Variants in UNC13C observed in about 807,000 individuals in gnomAD.
UNC13C encodes protein unc-13 homolog C.
A neutral mutation model predicts 245.4 loss-of-function variants in UNC13C; 174 were observed. The ratio of observed to expected loss-of-function variants is 0.71; its 90% confidence interval spans 0.63 to 0.80. UNC13C has a LOEUF of 0.80. Ranked by LOEUF, UNC13C falls within the 30% of genes least tolerant of loss-of-function variation. The pLI is 0.00. For synonymous variants in UNC13C, 992 were observed against 895.1 expected (o/e 1.11, Z -1.93); for missense variants, 2,829 against 2,602.9 (o/e 1.09, Z -1.89).
intron 2 of UNC13C, among the ~76,000 whole-genome samples, chr15:54,119,864 C>T (rs1446222408): frequency 6.6e-6 from 1 of 152,132 alleles, no homozygotes; most frequent in African/African-American, 2.4e-5. Context: ...CTTCCTTAAG[C>T]CAAAGCCTAA....
chr15:53,881,406 C>T, the UNC13C span, among the ~76,000 whole-genome samples: 1 of 152,202 alleles, frequency 6.6e-6, no homozygotes, highest in Non-Finnish European at 1.5e-5. Flanking sequence ...GGGATCATTA[C>T]TTCTGATTTG....
chr15:54,300,428 G>A, intron 13 of UNC13C, 55 bp downstream of exon 13: 1 of 1,460,770 alleles, frequency 6.8e-7, no homozygotes, highest in Non-Finnish European at 9.2e-7. Context: ...TATAAAGAAA[G>A]AAAGGAGCGT....
intron 30 of UNC13C, among the ~76,000 whole-genome samples, chr15:54,583,476 C>A (rs1898303249): frequency 6.6e-6 from 1 of 152,108 alleles, no homozygotes. Flanking sequence ...TTTCTCATAT[C>A]TTAGCTTTCA....
At chr15:54,123,086 G>A (rs1416903520) in intron 2 of UNC13C, among the ~76,000 whole-genome samples, 1 of 151,872 alleles carries the variant, frequency 6.6e-6, no homozygotes, top group Non-Finnish European at 1.5e-5. Context: ...AGTTTGTGTT[G>A]CTTCACATCT....
chr15:54,556,328 T>G (rs1897087440), intron 29 of UNC13C, among the ~76,000 whole-genome samples: 1 of 152,092 alleles, frequency 6.6e-6, no homozygotes, highest in Non-Finnish European at 1.5e-5. Flanking sequence ...ATAGAACAGT[T>G]CTACTGGATA....
At chr15:54,551,200 A>G (rs1434957848) in intron 28 of UNC13C, among the ~76,000 whole-genome samples, 1 of 152,114 alleles carries the variant, frequency 6.6e-6, no homozygotes, top group African/African-American at 2.4e-5. Flanking sequence ...ATACGTTGCC[A>G]TAACAGACCT....
chr15:54,042,646 G>T (rs112966938), intron 2 of UNC13C, among the ~76,000 whole-genome samples: 1 of 152,240 alleles, frequency 6.6e-6, no homozygotes, highest in Admixed American at 6.5e-5. Context: ...AAGGTCAGGA[G>T]ATCGAGACCA....
In UNC13C at chr15:54,185,644, A is replaced by T. The variant is rs897756331; in HGVS notation, c.3071+41960A>T. On this transcript the variant is annotated intron_variant, in intron 4 of 32. Transcript: ENST00000260323. ...CATTGATCTATATCTCTGTTTTTGT[A>T]CCAGTACCATGCTGTTTTGGTTACT... Among the ~76,000 whole-genome samples the T allele has an allele frequency of 2.0e-4, 30 of 146,690 alleles. 2 individuals are homozygous for T. The highest frequency in any genetic ancestry group is 6.8e-3 in the Middle Eastern group (2 of 294).
Position 53,996,350 on chromosome 15 carries a change from C to T in UNC13C, c.-256-16298C>T, listed in dbSNP as rs190457497. ...TTCCAAGCAGGTTTAAGAGGTGAGG[C>T]CTGGTCTTTGCGGTAAAGATTAATG... On this transcript the variant is annotated intron_variant, in intron 1 of 32. Coordinates refer to ENST00000260323, the MANE Select transcript of UNC13C (RefSeq NM_001080534.3). Among the ~76,000 whole-genome samples the T allele has an allele frequency of 5.5e-3, 839 of 152,216 alleles. 4 individuals carry two copies. Among genetic ancestry groups the T allele is most frequent in the Non-Finnish European group, 7.9e-3 (536 of 68,018 alleles).
intron 17 of UNC13C, among the ~76,000 whole-genome samples, chr15:54,358,979 G>A (rs1343516107): frequency 6.6e-6 from 1 of 151,782 alleles, no homozygotes; most frequent in East Asian, 1.9e-4. Context: ...TTGTGTTGAA[G>A]TATATTACTT....
chr15:53,909,612 G>A, the UNC13C span, among the ~76,000 whole-genome samples: 1 of 146,568 alleles, frequency 6.8e-6, no homozygotes, highest in Non-Finnish European at 1.5e-5. Flanking sequence ...TGGGTGTGGT[G>A]GTGCATGCCT....
intron 2 of UNC13C, among the ~76,000 whole-genome samples, chr15:54,116,178 A>T (rs1332877626): frequency 1.3e-5 from 2 of 152,260 alleles, no homozygotes; most frequent in African/African-American, 4.8e-5. Context: ...TTCAAGGTAC[A>T]TGTGATAATC....
At chr15:54,573,256 C>G (rs1897833169) in intron 30 of UNC13C, among the ~76,000 whole-genome samples, 1 of 151,920 alleles carries the variant, frequency 6.6e-6, no homozygotes, top group East Asian at 1.9e-4. Flanking sequence ...CTTCATTATT[C>G]TCTTTTGGAA....
At chr15:54,561,378 T>G (rs1897293006) in intron 29 of UNC13C, among the ~76,000 whole-genome samples, 2 of 152,076 alleles carry the variant, frequency 1.3e-5, no homozygotes, top group Non-Finnish European at 2.9e-5. Context: ...TCATAAAGTT[T>G]TAGAGGATGT....
chr15:54,012,129 C>A (rs1159757616), intron 1 of UNC13C, among the ~76,000 whole-genome samples: 2 of 152,060 alleles, frequency 1.3e-5, no homozygotes, highest in Non-Finnish European at 2.9e-5. Context: ...ATTCAAGAAA[C>A]TAGTCATCAT....
At chr15:54,247,221 C>T (rs2036014492) in intron 7 of UNC13C, among the ~76,000 whole-genome samples, 1 of 152,132 alleles carries the variant, frequency 6.6e-6, no homozygotes, top group Non-Finnish European at 1.5e-5. Context: ...CATTTGCTTC[C>T]ATCAATAGCA....
chr15:54,553,005 A>ATATATTGTATTCTATATTACAATATATAT (rs1566905619), intron 28 of UNC13C, among the ~76,000 whole-genome samples: 589 of 15,426 alleles, frequency 0.038, 53 homozygotes, highest in African/African-American at 0.051. Flanking sequence ...ACAATATATA[A>ATATATTGTATTCTATATTACAATATATAT]TATATATTGT....
Position 54,015,285 on chromosome 15 carries a change from C to T in UNC13C, c.2382C>T (p.Phe794=). The change falls in exon 2 of 33, where the codon TTC becomes TTT. Residue 794 remains phenylalanine, a synonymous_variant. Transcript: ENST00000260323. Reference sequence around the variant, plus strand: ...ACCTTTCTGATAAGACTTTCAGCTTCCCAAAATTTGGATCTACACTGCAGA... The same window carrying T: ...ACCTTTCTGATAAGACTTTCAGCTTTCCAAAATTTGGATCTACACTGCAGA... ...SIDLSDKTFS[F]PKFGSTLQRA... is the part of the protein sequence containing the mutation. 1.3e-6 allele frequency: 2 copies of T among 1,534,652 alleles called. No individual in the cohort carries two copies. Among genetic ancestry groups the T allele is most frequent in the Non-Finnish European group, 1.8e-6 (2 of 1,139,680 alleles).
intron 7 of UNC13C, among the ~76,000 whole-genome samples, chr15:54,246,792 C>G (rs988242214): frequency 6.6e-6 from 1 of 152,002 alleles, no homozygotes; most frequent in Non-Finnish European, 1.5e-5. Context: ...GGGAGAATAG[C>G]TAATGGATGC....
Sources: allele counts gnomAD v4.1 joint callset (sites outside exome capture counted in the v4.1 genomes callset), GRCh38; gene constraint gnomAD v4.1.1; transcripts MANE v1.5; gene names NCBI Gene and HGNC (gene_info 2026-07-23, HGNC 2026-07-21).